Variants in PLIN2 observed in about 807,000 individuals in gnomAD.
The protein encoded by PLIN2 is perilipin-2.
A neutral mutation model predicts 30.6 loss-of-function variants in PLIN2; 33 were observed. The observed-to-expected ratio is 1.08, with a 90% confidence interval of 0.82 to 1.44. PLIN2 has a LOEUF of 1.44. Among genes scored for constraint, PLIN2 ranks in the 40% most tolerant of loss-of-function variants. The pLI is 0.00. For missense variants in PLIN2, 610 were observed against 531.8 expected, an observed-to-expected ratio of 1.15 and a Z score of -1.45; for synonymous variants, 205 against 201.1, an observed-to-expected ratio of 1.02 and a Z score of -0.16.
chr9:19,121,716 G>A (rs1249276839), intron 4 of PLIN2, among the ~76,000 whole-genome samples: 1 of 152,140 alleles, frequency 6.6e-6, no homozygotes, highest in Non-Finnish European at 1.5e-5. Flanking sequence ...TGGATCACCT[G>A]AGGTTAGGAG....
At chr9:19,120,783 C>T (rs1818301518) in intron 5 of PLIN2, 97 bp downstream of exon 5, 2 of 967,592 alleles carry the variant, frequency 2.1e-6, no homozygotes, top group Non-Finnish European at 3.2e-6. Context: ...GCTTGCACAA[C>T]TGTGTAAATT....
chr9:19,115,371 T>C (rs976812257), downstream of PLIN2, among the ~76,000 whole-genome samples: 5 of 151,464 alleles, frequency 3.3e-5, no homozygotes, highest in Admixed American at 3.3e-4. Flanking sequence ...GCAGTGGCGC[T>C]ATCTCGGCTC....
chr9:19,126,994 A>G (rs894255048), intron 1 of PLIN2, among the ~76,000 whole-genome samples: 1 of 152,178 alleles, frequency 6.6e-6, no homozygotes, highest in East Asian at 1.9e-4. Flanking sequence ...GTGAGCCTAG[A>G]TGGCGTCACT....
At chr9:19,121,977 G>T (rs1243219315) in intron 4 of PLIN2, among the ~76,000 whole-genome samples, 2 of 151,398 alleles carry the variant, frequency 1.3e-5, no homozygotes, top group African/African-American at 4.8e-5. Flanking sequence ...GGTGTGGCGG[G>T]GCGTGCCTGT....
Position 19,124,384 on chromosome 9 carries a change from AAG to A in PLIN2, c.227-739_227-738del, listed in dbSNP as rs147297252. Among the ~76,000 whole-genome samples the A allele has an allele frequency of 9.6e-3, 1,458 of 152,254 alleles. 24 individuals are homozygous for A. Among genetic ancestry groups the A allele is most frequent in the African/African-American group, 0.033 (1,366 of 41,550 alleles). On this transcript the variant is annotated intron_variant, in intron 3 of 7. Coordinates refer to ENST00000276914, the MANE Select transcript of PLIN2 (RefSeq NM_001122.4). Reference sequence around the variant, plus strand: ...AGTGTATTTGGGGTCCTCAGGAGGAAAGAGTATGCCAAGACCACCCTGGATCT... The same window carrying A: ...AGTGTATTTGGGGTCCTCAGGAGGAAAGTATGCCAAGACCACCCTGGATCT...
At position 19,116,205 on chromosome 9, in the gene PLIN2, G is replaced by T; in HGVS notation, c.*43C>A. 1 of 1,507,438 alleles carries T rather than the reference G, an allele frequency of 6.6e-7. No homozygotes were observed. Among genetic ancestry groups the T allele is most frequent in the Non-Finnish European group, 8.9e-7 (1 of 1,126,498 alleles). 93.4% of individuals were successfully genotyped at this position (1,507,438 alleles called of 1,614,324 possible). On this transcript the variant is annotated 3_prime_UTR_variant, in exon 8 of 8. Transcript: ENST00000276914. ...AGTTAATTTCAACATAACAAAAGGT[G>T]TCATCTGTCTGGCCACAGCATGCAC...
intron 5 of PLIN2, 126 bp downstream of exon 5, chr9:19,120,754 G>A (rs10963971): frequency 0.15 from 111,659 of 727,282 alleles, 10,622 homozygotes; most frequent in African/African-American, 0.38. Context: ...GAAGTGTTCT[G>A]AAACTGGATT....
At chr9:19,111,148 C>A (rs1332160301), downstream of PLIN2, among the ~76,000 whole-genome samples, 1 of 152,066 alleles carries the variant, frequency 6.6e-6, no homozygotes, top group African/African-American at 2.4e-5. Flanking sequence ...ACCTTCGCCT[C>A]CCAGGTTCAA....
rs111995189 is a variant in PLIN2 at position 19,123,216 on chromosome 9, C to G, written c.309+349G>C. ...GATGGTAGTTCCTGGCAGCATTGTA[C>G]AAGCCAGGTGAGAAAAGGTTATATA... On this transcript the variant is annotated intron_variant, in intron 4 of 7. Coordinates refer to ENST00000276914, the MANE Select transcript of PLIN2 (RefSeq NM_001122.4). 3.8e-6 allele frequency: 3 copies of G among 780,526 alleles called. No homozygotes were observed. In the African/African-American group the frequency reaches 5.2e-5, roughly 14 times the overall value. The allele number at this position is 780,526 out of a possible 1,614,324, so 48.4% of individuals were successfully genotyped here.
rs561120123 is a variant in PLIN2 at position 19,119,762 on chromosome 9, G to A, written c.665C>T (p.Ser222Phe). The change falls in exon 6 of 8, where the codon TCC (serine) becomes TTC (phenylalanine). Residue 222 changes from serine to phenylalanine, a missense_variant. Ser to Phe is a radical substitution (Grantham distance 155). Transcript: ENST00000276914. ...QKPSYYVRLGSLSTKLHSRAY... is the reference protein window; with the variant it reads ...QKPSYYVRLGFLSTKLHSRAY... ...ACGGGAGTGAAGCTTGGTAGACAGG[G>A]ATCCCAGTCTAACATAATAACTTGG... 1.9e-6 allele frequency: 3 copies of A among 1,610,832 alleles called. No homozygotes were observed. The highest frequency in any genetic ancestry group is 2.2e-5 in the East Asian group (1 of 44,830).
At chr9:19,118,289 C>A in intron 7 of PLIN2, 32 bp downstream of exon 7, 1 of 1,567,306 alleles carries the variant, frequency 6.4e-7, no homozygotes, top group Non-Finnish European at 8.6e-7. Flanking sequence ...ACTTCTTCAG[C>A]AACCAACAAA....
rs1042936 is a variant in PLIN2 at position 19,115,804 on chromosome 9, G to A, written c.*444C>T. The A allele has an allele frequency of 0.12, 18,894 of 158,186 alleles. 1,319 individuals carry two copies. The highest frequency in any genetic ancestry group is 0.15 in the Non-Finnish European group (10,642 of 71,676). 9.8% of individuals were successfully genotyped at this position (158,186 alleles called of 1,614,324 possible). A position where few individuals can be genotyped will look rare whatever the true frequency, so the allele number is the denominator to read the frequency against. On this transcript the variant is annotated 3_prime_UTR_variant, in exon 8 of 8. Transcript: ENST00000276914. ...GTGAATTTTATTGAATTCAAAGGTA[G>A]TATTCCTATTTGAGAAATGAAAAAC...
rs554584394 is a variant in PLIN2, at chr9:19,124,305, A to G, written c.227-658T>C. On this transcript the variant is annotated intron_variant, in intron 3 of 7. Transcript: ENST00000276914. Reference sequence around the variant, plus strand: ...TAAGGTATCTGGAAACTCTCTCAAAATCGGCATTCCCATGCTAGTTTAATC... The same window carrying G: ...TAAGGTATCTGGAAACTCTCTCAAAGTCGGCATTCCCATGCTAGTTTAATC... 8.0e-4 allele frequency among the ~76,000 whole-genome samples: 122 copies of G among 152,182 alleles called. 1 individual carries two copies. Among genetic ancestry groups the G allele is most frequent in the Middle Eastern group, 6.8e-3 (2 of 294 alleles).
At chr9:19,126,496 A>C in intron 1 of PLIN2, 48 bp from the exon 2 acceptor site, 1 of 1,231,050 alleles carries the variant, frequency 8.1e-7, no homozygotes, top group Non-Finnish European at 1.2e-6. Context: ...GACTCTCCCA[A>C]ATTCATTCCC....
chr9:19,116,566 G>T lies in PLIN2; in HGVS notation c.996C>A (p.Ile332=). ...QTTCHTLLSN[I]QGVPQNIQDQ... Reference sequence around the variant, plus strand: ...CTTGGATGTTCTGTGGTACACCTTGGATGTTGGACAGGAGGGTGTGGCACG... The same window carrying T: ...CTTGGATGTTCTGTGGTACACCTTGTATGTTGGACAGGAGGGTGTGGCACG... Residue 332 remains isoleucine (I), a synonymous_variant, in exon 8 of 8, where the codon ATC becomes ATA. Coordinates refer to ENST00000276914, the MANE Select transcript of PLIN2 (RefSeq NM_001122.4). 6.2e-7 allele frequency: 1 copy of T among 1,614,106 alleles called. No individual in the cohort carries two copies. Among genetic ancestry groups the T allele is most frequent in the East Asian group, 2.2e-5 (1 of 44,888 alleles).
Position 19,121,783 on chromosome 9 carries a change from T to C in PLIN2, c.310-618A>G, listed in dbSNP as rs191034658. 3.3e-5 allele frequency among the ~76,000 whole-genome samples: 5 copies of C among 152,154 alleles called. No individual in the cohort carries two copies. In the East Asian group the frequency reaches 9.7e-4, roughly 29 times the overall value. ...CCCGTCTCTACTAAATACAAAAAAT[T>C]AGTTGGGCGTGGTGGCACATGCCTG... is the stretch of plus-strand genomic sequence containing the variant. On this transcript the variant is annotated intron_variant, in intron 4 of 7. Transcript: ENST00000276914.
Position 19,116,267 on chromosome 9 carries a change from G to C in PLIN2, c.1295C>G (p.Ser432Cys). ...MDKSSQETQR[S>C]EHKTH ...GCAGGTTTAATGAGTTTTATGCTCA[G>C]ATCGCTGGGTCTCCTGGCTGCTCTT... is the stretch of plus-strand genomic sequence containing the variant. The change falls in exon 8 of 8, where the codon TCT becomes TGT. Residue 432 changes from serine to cysteine, a missense_variant. Coordinates refer to ENST00000276914, the MANE Select transcript of PLIN2 (RefSeq NM_001122.4). 1 of 1,599,986 alleles carries C rather than the reference G, an allele frequency of 6.3e-7. No individual in the cohort carries two copies. Among genetic ancestry groups the C allele is most frequent in the Non-Finnish European group, 8.5e-7 (1 of 1,172,220 alleles).
At position 19,127,261 on chromosome 9, in the gene PLIN2, G is replaced by T. The variant is rs941892541; in HGVS notation, c.-23+158C>A. ...AGGACCTGGAAGCCGCGAGGCGAGC[G>T]GGGGGTCTCGGACCATCACCCCCGC... is the stretch of plus-strand genomic sequence containing the variant. On this transcript the variant is annotated intron_variant, in intron 1 of 7. Transcript: ENST00000276914. The surrounding 1 kb of genome is among the most constrained non-coding windows in gnomAD (Gnocchi z 4.3). Among the ~76,000 whole-genome samples, 2 of 151,924 alleles carry T rather than the reference G, an allele frequency of 1.3e-5. No individual in the cohort carries two copies. Among genetic ancestry groups the T allele is most frequent in the Admixed American group, 1.3e-4 (2 of 15,264 alleles).
chr9:19,116,693 T>C lies in PLIN2; in HGVS notation c.913-44A>G, dbSNP rs570797474. The stretch of plus-strand genomic sequence containing the variant: ...ATTAGCAGTGGATCCAACAGTGCTA[T>C]GTATAAATTAGTTCGATGACAGTAG... On this transcript the variant is annotated intron_variant, in intron 7 of 7. Transcript: ENST00000276914. The C allele has an allele frequency of 8.4e-5, 130 of 1,539,360 alleles. No individual in the cohort carries two copies. The South Asian group carries it at 1.4e-3, about 17-fold the overall frequency.
Sources: allele counts gnomAD v4.1 joint callset (sites outside exome capture counted in the v4.1 genomes callset), GRCh38; gene constraint gnomAD v4.1.1; non-coding constraint Gnocchi (gnomAD v3.1); transcripts MANE v1.5; gene names NCBI Gene and HGNC (gene_info 2026-07-23, HGNC 2026-07-21).